Variants in SNTG1 observed in about 807,000 individuals in gnomAD.
SNTG1 encodes the protein gamma-1-syntrophin.
SNTG1 carries 39 observed loss-of-function variants against 74.7 expected under a neutral mutation model. The observed-to-expected ratio is 0.52, with a 90% CI of 0.40 to 0.68. The LOEUF is 0.68. Ranked by LOEUF, SNTG1 falls within the 30% of genes least tolerant of loss-of-function variation. SNTG1 has a pLI of 0.00. For missense variants in SNTG1, 685 were observed against 609.5 expected, an observed-to-expected ratio of 1.12 and a Z score of -1.30; for synonymous variants, 254 against 217.1, an observed-to-expected ratio of 1.17 and a Z score of -1.49.
At chr8:50,510,363 G>T (rs2094057769) in intron 9 of SNTG1, among the ~76,000 whole-genome samples, 1 of 152,110 alleles carries the variant, frequency 6.6e-6, no homozygotes, top group Non-Finnish European at 1.5e-5. Context: ...GAGGGATATT[G>T]GTCTTAAATT....
At chr8:50,499,859 C>A (rs1041059752) in intron 8 of SNTG1, among the ~76,000 whole-genome samples, 1 of 151,886 alleles carries the variant, frequency 6.6e-6, no homozygotes, top group Non-Finnish European at 1.5e-5. Context: ...GGATTAAACT[C>A]CATTTGATCA....
At chr8:50,725,094 CGTT>C (rs1172781118) in intron 17 of SNTG1, among the ~76,000 whole-genome samples, 1 of 151,990 alleles carries the variant, frequency 6.6e-6, no homozygotes, top group African/African-American at 2.4e-5. Flanking sequence ...TATGGAGAAT[CGTT>C]GGATCAAAAT....
At chr8:50,359,842 C>T (rs533237520) in intron 2 of SNTG1, among the ~76,000 whole-genome samples, 10 of 152,084 alleles carry the variant, frequency 6.6e-5, no homozygotes, top group Non-Finnish European at 1.5e-4. Context: ...ATACTTATTT[C>T]ACATTTAAGC....
rs562168394 is a variant in SNTG1 at position 50,669,335 on chromosome 8, G to T, written c.1038+10672G>T. ...AAAAAGAGAGAAGAATCAAATAGAC[G>T]CAATAAAAAATGATAAAGGGGATAT... On this transcript the variant is annotated intron_variant, in intron 15 of 18. Transcript: ENST00000642720. Among the ~76,000 whole-genome samples, 10 of 151,796 alleles carry T rather than the reference G, an allele frequency of 6.6e-5. No homozygotes were observed. In the East Asian group the frequency reaches 1.9e-3, roughly 30 times the overall value.
intron 1 of SNTG1, among the ~76,000 whole-genome samples, chr8:50,021,945 AAAAT>A (rs1816856399): frequency 1.4e-5 from 2 of 146,434 alleles, no homozygotes. Context: ...TCTCAAAAAA[AAAAT>A]AAAAATAAAA....
chr8:50,564,335 CAAT>C (rs2094504239), intron 12 of SNTG1, among the ~76,000 whole-genome samples: 1 of 151,778 alleles, frequency 6.6e-6, no homozygotes, highest in Non-Finnish European at 1.5e-5. Context: ...TGATTTTGTA[CAAT>C]AATATATAAA....
intron 1 of SNTG1, among the ~76,000 whole-genome samples, chr8:50,050,272 T>G (rs1421242559): frequency 2.6e-5 from 4 of 151,898 alleles, no homozygotes; most frequent in Non-Finnish European, 4.4e-5. Context: ...GAGGCCATCA[T>G]TATTGATCTC....
At chr8:50,769,891 A>G (rs1430323100) in intron 18 of SNTG1, among the ~76,000 whole-genome samples, 10 of 152,118 alleles carry the variant, frequency 6.6e-5, no homozygotes, top group African/African-American at 2.2e-4. Flanking sequence ...AGAACCTAAA[A>G]GATTTTGAAG....
intron 1 of SNTG1, among the ~76,000 whole-genome samples, chr8:50,007,641 C>T (rs996735132): frequency 6.6e-6 from 1 of 151,964 alleles, no homozygotes; most frequent in Non-Finnish European, 1.5e-5. Context: ...ATGAGTGATT[C>T]CTGAATGATA....
chr8:50,657,602 A>C (rs758157532), intron 14 of SNTG1, among the ~76,000 whole-genome samples: 11 of 152,144 alleles, frequency 7.2e-5, no homozygotes, highest in Non-Finnish European at 1.6e-4. Context: ...ACCCTATGGT[A>C]ATCCCATAGG....
intron 1 of SNTG1, among the ~76,000 whole-genome samples, chr8:49,929,320 A>G (rs753638691): frequency 2.0e-4 from 31 of 152,300 alleles, no homozygotes; most frequent in Non-Finnish European, 4.3e-4. Context: ...ACTCATCTGA[A>G]TCTCTTCCTA....
At chr8:50,475,260 A>C (rs1222222625) in intron 8 of SNTG1, among the ~76,000 whole-genome samples, 1 of 151,748 alleles carries the variant, frequency 6.6e-6, no homozygotes, top group African/African-American at 2.4e-5. Context: ...AAGAGCATGC[A>C]GTGGCAAAAA....
At position 50,289,287 on chromosome 8, in the gene SNTG1, A is replaced by G. The variant is rs563351302; in HGVS notation, c.-27-104925A>G. Among the ~76,000 whole-genome samples, 91 of 152,312 alleles carry G rather than the reference A, an allele frequency of 6.0e-4. 2 individuals carry two copies. The South Asian group carries it at 0.019, about 31-fold the overall frequency. ...CTTCACTAGATAATTTATCAAGTTT[A>G]CTGATCTTACAGTATCATTTACTAA... On this transcript the variant is annotated intron_variant, in intron 2 of 18. Transcript: ENST00000642720.
At chr8:50,092,487 C>T (rs2079776569) in intron 1 of SNTG1, among the ~76,000 whole-genome samples, 1 of 152,108 alleles carries the variant, frequency 6.6e-6, no homozygotes, top group South Asian at 2.1e-4. Flanking sequence ...ACAGGCAGAT[C>T]CATTTCTGGA....
intron 1 of SNTG1, among the ~76,000 whole-genome samples, chr8:50,130,913 T>C (rs990097709): frequency 1.3e-5 from 2 of 152,116 alleles, no homozygotes; most frequent in African/African-American, 2.4e-5. Context: ...GAGCTCTTTG[T>C]TCTGTTTAGA....
chr8:49,939,971 G>A (rs373509649), intron 1 of SNTG1, among the ~76,000 whole-genome samples: 24 of 152,216 alleles, frequency 1.6e-4, no homozygotes, highest in South Asian at 6.2e-4. Flanking sequence ...AAAGTCTTAT[G>A]ATACACAGTA....
intron 1 of SNTG1, among the ~76,000 whole-genome samples, chr8:49,996,908 A>G (rs532545751): frequency 5.3e-5 from 8 of 152,274 alleles, no homozygotes; most frequent in Non-Finnish European, 8.8e-5. Flanking sequence ...AAATCACTTC[A>G]TAACTTAAAG....
At chr8:50,148,826 C>T (rs1460439580) in intron 1 of SNTG1, among the ~76,000 whole-genome samples, 1 of 152,136 alleles carries the variant, frequency 6.6e-6, no homozygotes, top group Non-Finnish European at 1.5e-5. Flanking sequence ...TGGTTCCAAT[C>T]TTTGCTATTG....
At chr8:50,454,554 C>G (rs2093485856) in intron 8 of SNTG1, among the ~76,000 whole-genome samples, 1 of 149,630 alleles carries the variant, frequency 6.7e-6, no homozygotes, top group Admixed American at 6.6e-5. Flanking sequence ...GTCTGAGTGG[C>G]TGGGTGGCAG....
Sources: allele counts gnomAD v4.1 joint callset (sites outside exome capture counted in the v4.1 genomes callset), GRCh38; gene constraint gnomAD v4.1.1; transcripts MANE v1.5; gene names NCBI Gene and HGNC (gene_info 2026-07-23, HGNC 2026-07-21).